The following ZNF597 variants were observed in gnomAD, a reference collection of about 807,000 sequenced individuals.
ZNF597 encodes the protein zinc finger protein 597.
In ZNF597, 5 loss-of-function variants were observed where a neutral mutation model predicts 7.3. The observed-to-expected ratio is 0.68, with a 90% confidence interval of 0.36 to 1.44. The LOEUF (loss-of-function observed/expected upper bound fraction) is 1.44, where lower values mean the gene tolerates loss of function less well. Ranked by LOEUF, ZNF597 falls within the 40% of genes most tolerant of loss-of-function variation. The pLI is 0.04. For missense variants in ZNF597, 585 were observed against 517.9 expected, an observed-to-expected ratio of 1.13 and a Z score of -1.26; for synonymous variants, 209 against 185.4, an observed-to-expected ratio of 1.13 and a Z score of -1.04.
rs1306043048 is a variant in ZNF597 at position 3,437,134 on chromosome 16, A to T, written c.565T>A (p.Cys189Ser). The T allele has an allele frequency of 6.2e-7, 1 of 1,614,070 alleles. No homozygotes were observed. Among genetic ancestry groups the T allele is most frequent in the Non-Finnish European group, 8.5e-7 (1 of 1,180,042 alleles). Residue 189 changes from cysteine to serine, a missense_variant, in exon 4 of 4, where the codon TGT becomes AGT. Cys to Ser is a moderately radical substitution (Grantham distance 112). Coordinates refer to ENST00000301744, the MANE Select transcript of ZNF597 (RefSeq NM_152457.3). ...SGEKKHKCGD[C>S]GKIFNHRANL... ...GCTCTATGATTGAAGATCTTTCCAC[A>T]GTCACCACATTTATGTTTTTTCTCT...
At chr16:3,442,599 C>G (rs1463261008) in intron 2 of ZNF597, among the ~76,000 whole-genome samples, 1 of 151,610 alleles carries the variant, frequency 6.6e-6, no homozygotes, top group Non-Finnish European at 1.5e-5. Flanking sequence ...GGCATGAACC[C>G]GGGAGGCGGA....
intron 2 of ZNF597, among the ~76,000 whole-genome samples, chr16:3,441,713 C>G (rs534292072): frequency 6.6e-6 from 1 of 151,454 alleles, no homozygotes; most frequent in East Asian, 1.9e-4. Flanking sequence ...GAGCTGAGAT[C>G]GTGCCACTGC....
Position 3,433,314 on chromosome 16 carries a change from A to G in ZNF597, c.*3110T>C, listed in dbSNP as rs1245553238. The stretch of plus-strand genomic sequence containing the variant: ...CATTGGAAAAATGCTGTTTTCATCA[A>G]TGACGACTGTTTAAAAGACTGTTTA... On this transcript the variant is annotated 3_prime_UTR_variant, in exon 4 of 4. Transcript: ENST00000301744. 1.3e-5 allele frequency: 2 copies of G among 152,240 alleles called. No homozygotes were observed. The highest frequency in any genetic ancestry group is 4.8e-5 in the African/African-American group (2 of 41,458). 9.4% of individuals were successfully genotyped at this position (152,240 alleles called of 1,614,324 possible).
Position 3,434,339 on chromosome 16 carries a change from G to T in ZNF597, c.*2085C>A, listed in dbSNP as rs1463797013. 5 of 152,230 alleles carry T rather than the reference G, an allele frequency of 3.3e-5. No homozygotes were observed. Among genetic ancestry groups the T allele is most frequent in the African/African-American group, 1.2e-4 (5 of 41,446 alleles). The allele number at this position is 152,230 out of a possible 1,614,324, so 9.4% of individuals were successfully genotyped here. On this transcript the variant is annotated 3_prime_UTR_variant, in exon 4 of 4. Transcript: ENST00000301744. Reference sequence around the variant, plus strand: ...GCAGAAGCAGGAGAGCAAGGAGGTGGTGTTCTTGTTATTTAACAAAGGTCA... The same window carrying T: ...GCAGAAGCAGGAGAGCAAGGAGGTGTTGTTCTTGTTATTTAACAAAGGTCA...
chr16:3,437,520 T>TA lies in ZNF597; in HGVS notation c.178_179insT (p.Glu60ValfsTer3). 1 of 1,599,810 alleles carries TA rather than the reference T, an allele frequency of 6.3e-7. No homozygotes were observed. The highest frequency in any genetic ancestry group is 1.1e-5 in the South Asian group (1 of 88,316). On this transcript the variant is annotated frameshift_variant, in exon 4 of 4. Coordinates refer to ENST00000301744, the MANE Select transcript of ZNF597 (RefSeq NM_152457.3). LOFTEE classifies it low-confidence loss of function (END_TRUNC). ...CTCTAGGCTTAACTGCTGATTAATC[T>TA]CAGGCTTGCCTTCCTCTCCTGTTGA...
In ZNF597 at chr16:3,432,556, TAA is replaced by T. The variant is rs1240550548; in HGVS notation, c.*3866_*3867del. The T allele has an allele frequency of 6.6e-6, 1 of 152,184 alleles. No individual in the cohort carries two copies. The highest frequency in any genetic ancestry group is 1.5e-5 in the Non-Finnish European group (1 of 68,024). 9.4% of individuals were successfully genotyped at this position (152,184 alleles called of 1,614,324 possible). A position where few individuals can be genotyped will look rare whatever the true frequency, so the allele number is the denominator to read the frequency against. ...GACCCAAAACATTGAATAAACAGTA[TAA>T]GTGTATACAATAAATAGAATTCTGA... On this transcript the variant is annotated 3_prime_UTR_variant, in exon 4 of 4. Transcript: ENST00000301744.
intron 2 of ZNF597, 116 bp downstream of exon 2, chr16:3,443,005 T>A: frequency 8.0e-7 from 1 of 1,250,448 alleles, no homozygotes; most frequent in South Asian, 1.2e-5. Flanking sequence ...AAGGGCTATT[T>A]GGGGCTCAGG....
At chr16:3,438,044 C>G (rs1329101989) in intron 3 of ZNF597, among the ~76,000 whole-genome samples, 2 of 151,924 alleles carry the variant, frequency 1.3e-5, no homozygotes, top group Non-Finnish European at 2.9e-5. Context: ...CTGGGCAACA[C>G]AGTGAGACCC....
At chr16:3,440,401 C>T (rs944388523) in intron 3 of ZNF597, among the ~76,000 whole-genome samples, 6 of 151,980 alleles carry the variant, frequency 3.9e-5, no homozygotes, top group Non-Finnish European at 8.8e-5. Context: ...TTTGGGAGGC[C>T]GAGGCGGGTG....
Position 3,437,409 on chromosome 16 carries a change from C to G in ZNF597, c.290G>C (p.Gly97Ala), listed in dbSNP as rs1295010029. 1 of 1,614,124 alleles carries G rather than the reference C, an allele frequency of 6.2e-7. No individual in the cohort carries two copies. The highest frequency in any genetic ancestry group is 8.5e-7 in the Non-Finnish European group (1 of 1,180,026). The change falls in exon 4 of 4, where the codon GGA becomes GCA. Residue 97 changes from glycine (G) to alanine (A), a missense_variant. Physicochemically the swap from Gly to Ala is moderately conservative, Grantham distance 60. Transcript: ENST00000301744. ...VPYPEKSSED[G>A]VGNPEAKILS... ...TATTTTCGCTTCAGGGTTTCCAACT[C>G]CATCCTCAGAGGATTTTTCTGGGTA... is the stretch of plus-strand genomic sequence containing the variant.
rs1395736444 is a variant in ZNF597 at position 3,433,046 on chromosome 16, T to C, written c.*3378A>G. ...GCTGCAGTCACTAGAACATTGCCAC[T>C]TAATTATATGGAAACTCAGGAGGCA... On this transcript the variant is annotated 3_prime_UTR_variant, in exon 4 of 4. Transcript: ENST00000301744. 6.6e-6 allele frequency: 1 copy of C among 152,212 alleles called. No individual in the cohort carries two copies. The highest frequency in any genetic ancestry group is 6.5e-5 in the Admixed American group (1 of 15,274). 9.4% of individuals were successfully genotyped at this position (152,212 alleles called of 1,614,324 possible).
Position 3,438,325 on chromosome 16 carries a change from C to T in ZNF597, c.161-787G>A, listed in dbSNP as rs370190393. Among the ~76,000 whole-genome samples, 18 of 151,744 alleles carry T rather than the reference C, an allele frequency of 1.2e-4. No homozygotes were observed. The East Asian group carries it at 3.1e-3, about 26-fold the overall frequency. ...CTGTGATCCCAGCACTTTGGGAGGC[C>T]GAGGCGGGTGGATCACGAGATCAGG... On this transcript the variant is annotated intron_variant, in intron 3 of 3. Coordinates refer to ENST00000301744, the MANE Select transcript of ZNF597 (RefSeq NM_152457.3).
At position 3,435,785 on chromosome 16, in the gene ZNF597, TG is replaced by T. The variant is rs2034294719; in HGVS notation, c.*638del. 6.6e-6 allele frequency: 1 copy of T among 152,146 alleles called. No homozygotes were observed. Among genetic ancestry groups the T allele is most frequent in the African/African-American group, 2.4e-5 (1 of 41,424 alleles). The allele number at this position is 152,146 out of a possible 1,614,324, so 9.4% of individuals were successfully genotyped here. A position where few individuals can be genotyped will look rare whatever the true frequency, so the allele number is the denominator to read the frequency against. On this transcript the variant is annotated 3_prime_UTR_variant, in exon 4 of 4. Transcript: ENST00000301744. ...CTGCAGTTAGACTTCCAAAACTCCT[TG>T]CAAACAATTGGGTCCTAAATGCCAG...
rs1186349116 is a variant in ZNF597, at chr16:3,434,373, C to CA, written c.*2050dup. On this transcript the variant is annotated 3_prime_UTR_variant, in exon 4 of 4. Transcript: ENST00000301744. ...TTATTTAACAAAGGTCATGGTATCT[C>CA]AGAGTTGCCTAATAAGTAATCTAAC... 6 of 152,214 alleles carry CA rather than the reference C, an allele frequency of 3.9e-5. No homozygotes were observed. The highest frequency in any genetic ancestry group is 1.4e-4 in the African/African-American group (6 of 41,440). 9.4% of individuals were successfully genotyped at this position (152,214 alleles called of 1,614,324 possible).
At chr16:3,442,975 G>C in intron 2 of ZNF597, 146 bp downstream of exon 2, 2 of 934,034 alleles carry the variant, frequency 2.1e-6, no homozygotes, top group South Asian at 1.4e-5. Context: ...TGTGGTCTTG[G>C]AACGAAGAAC....
intron 2 of ZNF597, among the ~76,000 whole-genome samples, chr16:3,441,300 C>T (rs1448933295): frequency 1.3e-5 from 2 of 152,158 alleles, no homozygotes; most frequent in Non-Finnish European, 2.9e-5. Context: ...GTAATCCCAA[C>T]ACTTTGGGAG....
chr16:3,435,045 T>C lies in ZNF597; in HGVS notation c.*1379A>G, dbSNP rs974413700. Reference sequence around the variant, plus strand: ...TATCTATAATAGCAATATCTAAAGATCTATATATTATCAAGTATTTTGGTT... The same window carrying C: ...TATCTATAATAGCAATATCTAAAGACCTATATATTATCAAGTATTTTGGTT... On this transcript the variant is annotated 3_prime_UTR_variant, in exon 4 of 4. Coordinates refer to ENST00000301744, the MANE Select transcript of ZNF597 (RefSeq NM_152457.3). The C allele has an allele frequency of 6.6e-6, 1 of 152,214 alleles. No individual in the cohort carries two copies. The highest frequency in any genetic ancestry group is 2.4e-5 in the African/African-American group (1 of 41,458). The allele number at this position is 152,214 out of a possible 1,614,324, so 9.4% of individuals were successfully genotyped here.
rs1360636916 is a variant in ZNF597, at chr16:3,437,210, T to C, written c.489A>G (p.Gln163=). 5 of 1,614,114 alleles carry C rather than the reference T, an allele frequency of 3.1e-6. No homozygotes were observed. The highest frequency in any genetic ancestry group is 4.2e-6 in the Non-Finnish European group (5 of 1,180,058). Residue 163 remains glutamine, a synonymous_variant, in exon 4 of 4, where the codon CAA becomes CAG. Transcript: ENST00000301744. ...KNVYKCPECD[Q]NFSDHSYLVL... ...CTAGGTATGAATGATCGCTGAAGTT[T>C]TGGTCACACTCAGGACATTTGTACA...
At chr16:3,438,202 C>T (rs1346427610) in intron 3 of ZNF597, among the ~76,000 whole-genome samples, 1 of 131,452 alleles carries the variant, frequency 7.6e-6, no homozygotes, top group African/African-American at 2.8e-5. Context: ...GTGACAGAGC[C>T]AGAACTTGTT....
Sources: gnomAD v4.1 joint callset for allele counts (sites outside exome capture counted in the v4.1 genomes callset) on GRCh38, gnomAD v4.1.1 for gene constraint, MANE v1.5 for transcripts, NCBI Gene and HGNC (gene_info 2026-07-23, HGNC 2026-07-21) for gene names.